Variants in ADAMTSL3 observed in about 807,000 individuals in gnomAD.
The protein encoded by ADAMTSL3 is ADAMTS like 3.
In ADAMTSL3, 128 loss-of-function variants were observed where a neutral mutation model predicts 201.7. The observed-to-expected ratio is 0.63, with a 90% confidence interval of 0.55 to 0.73. The LOEUF (loss-of-function observed/expected upper bound fraction) is 0.73. ADAMTSL3 is among the 30% of genes least tolerant of loss of function. ADAMTSL3 has a pLI of 0.00. For missense variants in ADAMTSL3, 1,990 were observed against 2,119.6 expected, an observed-to-expected ratio of 0.94 and a Z score of 1.20; for synonymous variants, 738 against 748.4, an observed-to-expected ratio of 0.99 and a Z score of 0.23.
At chr15:83,901,982 G>A (rs1471552) in intron 15 of ADAMTSL3, among the ~76,000 whole-genome samples, 95,366 of 152,054 alleles carry the variant, frequency 0.63, 30,996 homozygotes, top group African/African-American at 0.79. Context: ...GGGTAATAGG[G>A]TTGCAGTCCG....
chr15:83,825,666 G>C (rs563867152), intron 6 of ADAMTSL3, among the ~76,000 whole-genome samples: 1 of 151,970 alleles, frequency 6.6e-6, no homozygotes, highest in African/African-American at 2.4e-5. Context: ...TGGCCTCAAG[G>C]AGCGCTCTCT....
chr15:83,679,620 G>A (rs564185538), intron 2 of ADAMTSL3, among the ~76,000 whole-genome samples: 2 of 152,242 alleles, frequency 1.3e-5, no homozygotes, highest in Middle Eastern at 3.4e-3. Context: ...CCACACAGTA[G>A]TTCAGTTCTC....
intron 5 of ADAMTSL3, among the ~76,000 whole-genome samples, chr15:83,819,300 C>T (rs1425240756): frequency 6.7e-6 from 1 of 149,756 alleles, no homozygotes; most frequent in Non-Finnish European, 1.5e-5. Context: ...AAAGAAACAA[C>T]CACAAGTGCT....
chr15:83,735,620 C>T (rs2062357790), intron 3 of ADAMTSL3, among the ~76,000 whole-genome samples: 1 of 151,786 alleles, frequency 6.6e-6, no homozygotes, highest in Non-Finnish European at 1.5e-5. Flanking sequence ...TACACTAAAG[C>T]ATACAATTTT....
At chr15:83,771,062 C>T (rs965382082) in intron 3 of ADAMTSL3, among the ~76,000 whole-genome samples, 5 of 151,980 alleles carry the variant, frequency 3.3e-5, no homozygotes, top group Non-Finnish European at 5.9e-5. Flanking sequence ...CAAAGTGAGC[C>T]TCTATGTCAA....
intron 17 of ADAMTSL3, among the ~76,000 whole-genome samples, chr15:83,934,031 CAG>C (rs909554209): frequency 1.3e-5 from 2 of 152,234 alleles, no homozygotes; most frequent in Non-Finnish European, 2.9e-5. Context: ...AATCCCTACA[CAG>C]AGTCCCCACT....
chr15:83,884,367 G>T (rs2065346795), intron 9 of ADAMTSL3, among the ~76,000 whole-genome samples: 2 of 121,030 alleles, frequency 1.7e-5, no homozygotes, highest in African/African-American at 6.7e-5. Flanking sequence ...TTTTGAGACA[G>T]TGGTTCAAGA....
At chr15:83,896,343 C>G (rs2141904344) in intron 13 of ADAMTSL3, among the ~76,000 whole-genome samples, 1 of 152,148 alleles carries the variant, frequency 6.6e-6, no homozygotes, top group Non-Finnish European at 1.5e-5. Flanking sequence ...TTGGAGGGGA[C>G]TCCTCAAAAA....
At chr15:83,877,547 A>T (rs1359859771) in intron 9 of ADAMTSL3, among the ~76,000 whole-genome samples, 1 of 152,216 alleles carries the variant, frequency 6.6e-6, no homozygotes, top group Non-Finnish European at 1.5e-5. Flanking sequence ...TGTAAGTTTC[A>T]GCTTTGTTCT....
intron 3 of ADAMTSL3, among the ~76,000 whole-genome samples, chr15:83,719,238 G>C (rs1049278197): frequency 2.0e-5 from 3 of 152,042 alleles, no homozygotes; most frequent in African/African-American, 7.2e-5. Context: ...CTAAATCATG[G>C]GTTTGCAACC....
intron 8 of ADAMTSL3, among the ~76,000 whole-genome samples, chr15:83,868,942 A>G (rs2065030312): frequency 6.6e-6 from 1 of 152,160 alleles, no homozygotes; most frequent in Non-Finnish European, 1.5e-5. Context: ...CCTTCCTCCC[A>G]GATCACCTTC....
intron 17 of ADAMTSL3, among the ~76,000 whole-genome samples, chr15:83,942,166 T>A (rs955238698): frequency 6.6e-6 from 1 of 152,230 alleles, no homozygotes; most frequent in African/African-American, 2.4e-5. Flanking sequence ...ATTAAAGAAT[T>A]TTCTTAGGGA....
intron 19 of ADAMTSL3, among the ~76,000 whole-genome samples, chr15:83,969,769 T>A (rs957589449): frequency 6.6e-6 from 1 of 152,236 alleles, no homozygotes; most frequent in African/African-American, 2.4e-5. Flanking sequence ...AAAGTTTCAA[T>A]TATACTAGCT....
At chr15:83,670,804 T>C (rs985761559) in intron 2 of ADAMTSL3, among the ~76,000 whole-genome samples, 1 of 152,216 alleles carries the variant, frequency 6.6e-6, no homozygotes, top group Non-Finnish European at 1.5e-5. Context: ...TCAACTGATG[T>C]CTATTGTAAC....
At chr15:83,711,016 A>G (rs2061926240) in intron 3 of ADAMTSL3, among the ~76,000 whole-genome samples, 1 of 152,188 alleles carries the variant, frequency 6.6e-6, no homozygotes, top group African/African-American at 2.4e-5. Flanking sequence ...TTTTAATACT[A>G]ATAATAACAA....
intron 7 of ADAMTSL3, among the ~76,000 whole-genome samples, chr15:83,849,970 G>C (rs183577363): frequency 1.0e-3 from 154 of 152,196 alleles, no homozygotes; most frequent in Non-Finnish European, 1.9e-3. Context: ...TAAAGAATCT[G>C]TGCAATATAA....
intron 5 of ADAMTSL3, among the ~76,000 whole-genome samples, chr15:83,817,309 G>A (rs986736302): frequency 1.3e-5 from 2 of 152,176 alleles, no homozygotes; most frequent in Non-Finnish European, 2.9e-5. Flanking sequence ...ATATCTATTT[G>A]TGGAAAAAGA....
chr15:83,675,906 C>A (rs1260758555), intron 2 of ADAMTSL3, among the ~76,000 whole-genome samples: 1 of 152,108 alleles, frequency 6.6e-6, no homozygotes, highest in East Asian at 1.9e-4. Context: ...TCCTTGTTAT[C>A]CTTTTAATGG....
chr15:83,832,822 C>T (rs1308089175), intron 6 of ADAMTSL3, among the ~76,000 whole-genome samples: 2 of 152,158 alleles, frequency 1.3e-5, no homozygotes, highest in Non-Finnish European at 2.9e-5. Context: ...AACCTGAGCA[C>T]AGCAGACAGC....
Sources: gnomAD v4.1 joint callset for allele counts (sites outside exome capture counted in the v4.1 genomes callset) on GRCh38, gnomAD v4.1.1 for gene constraint, MANE v1.5 for transcripts, NCBI Gene and HGNC (gene_info 2026-07-23, HGNC 2026-07-21) for gene names.